TULP4: variants seen among roughly 807,000 people sequenced by gnomAD.
TULP4 encodes the protein TUB like protein 4, also known as tubby-related protein 4.
TULP4 carries 16 observed loss-of-function variants against 129.0 expected under a neutral mutation model. The ratio of observed to expected loss-of-function variants is 0.12; its 90% CI spans 0.08 to 0.19. The LOEUF is 0.19. TULP4 is among the 10% of genes least tolerant of loss of function. TULP4 has a pLI of 1.00. For missense variants in TULP4, 1,842 were observed against 2,059.1 expected, an observed-to-expected ratio of 0.89 and a Z score of 2.04; for synonymous variants, 998 against 854.0, an observed-to-expected ratio of 1.17 and a Z score of -2.94.
intron 2 of TULP4, among the ~76,000 whole-genome samples, chr6:158,417,293 G>A (rs1778231793): frequency 6.6e-6 from 1 of 152,126 alleles, no homozygotes; most frequent in South Asian, 2.1e-4. Flanking sequence ...TCCATTGAGG[G>A]TTTGGAGCAG....
intron 6 of TULP4, among the ~76,000 whole-genome samples, chr6:158,478,158 A>G (rs1480384152): frequency 6.6e-6 from 1 of 152,190 alleles, no homozygotes; most frequent in Non-Finnish European, 1.5e-5. Flanking sequence ...TACTATGCTT[A>G]TTATCCAGGT....
chr6:158,304,869 ATTGTCCATGCTGG>A (rs1779188721), intron 1 of TULP4, among the ~76,000 whole-genome samples: 1 of 151,560 alleles, frequency 6.6e-6, no homozygotes. Flanking sequence ...GTCTTGCTAT[ATTGTCCATGCTGG>A]TCTGAAACTC....
At chr6:158,387,016 A>G (rs2114933109) in intron 1 of TULP4, among the ~76,000 whole-genome samples, 1 of 152,262 alleles carries the variant, frequency 6.6e-6, no homozygotes, top group South Asian at 2.1e-4. Flanking sequence ...AAATGAAAAA[A>G]CATAAAAATA....
At chr6:158,459,026 A>G (rs1347068146) in intron 5 of TULP4, among the ~76,000 whole-genome samples, 1 of 152,246 alleles carries the variant, frequency 6.6e-6, no homozygotes, top group African/African-American at 2.4e-5. Context: ...ATGTAGCTCC[A>G]TAATCGTTGG....
intron 13 of TULP4, 53 bp downstream of exon 13, chr6:158,504,231 G>T (rs1294735175): frequency 2.8e-6 from 4 of 1,405,928 alleles, no homozygotes; most frequent in African/African-American, 2.9e-5. Flanking sequence ...GGGTTTCAGT[G>T]CTTCGGCCTT....
upstream of TULP4, among the ~76,000 whole-genome samples, chr6:158,311,871 G>A (rs1338749173): frequency 6.6e-6 from 1 of 152,164 alleles, no homozygotes; most frequent in African/African-American, 2.4e-5. Context: ...GTGTTGTCTT[G>A]AGTCTGGTGA....
chr6:158,325,444 T>C (rs2128489301), intron 1 of TULP4, among the ~76,000 whole-genome samples: 1 of 151,530 alleles, frequency 6.6e-6, no homozygotes, highest in Middle Eastern at 3.4e-3. Context: ...GCTCTGCCTC[T>C]TGGGTTCATG....
At chr6:158,257,527 G>T (rs552773949) in intron 1 of TULP4, among the ~76,000 whole-genome samples, 31 of 152,298 alleles carry the variant, frequency 2.0e-4, no homozygotes, top group African/African-American at 7.5e-4. Flanking sequence ...GTTTCAACCA[G>T]GTGCTTTCAT....
At chr6:158,254,909 TA>T (rs1364011901) in intron 1 of TULP4, among the ~76,000 whole-genome samples, 1 of 152,092 alleles carries the variant, frequency 6.6e-6, no homozygotes, top group African/African-American at 2.4e-5. Context: ...CTGTCTCTAC[TA>T]AAAGTACAAA....
chr6:158,341,363 A>G (rs146250996), intron 1 of TULP4, among the ~76,000 whole-genome samples: 2 of 152,206 alleles, frequency 1.3e-5, no homozygotes, highest in African/African-American at 4.8e-5. Context: ...TTAATTCCAT[A>G]TCTTGGTTAT....
chr6:158,421,866 T>G (rs1282135634), intron 2 of TULP4, among the ~76,000 whole-genome samples: 1 of 152,180 alleles, frequency 6.6e-6, no homozygotes, highest in Non-Finnish European at 1.5e-5. Context: ...TGATGAGAGT[T>G]TATGATTTGT....
chr6:158,272,700 C>T (rs1778572188), intron 1 of TULP4, among the ~76,000 whole-genome samples: 2 of 152,164 alleles, frequency 1.3e-5, no homozygotes, highest in African/African-American at 4.8e-5. Flanking sequence ...TTGACAGACC[C>T]AAGATTTGAA....
intron 1 of TULP4, among the ~76,000 whole-genome samples, chr6:158,354,508 C>T (rs1258754886): frequency 6.6e-6 from 1 of 152,172 alleles, no homozygotes; most frequent in African/African-American, 2.4e-5. Context: ...AATAGGCATA[C>T]TTAACACGGT....
At position 158,238,086 on chromosome 6, in the gene TULP4, C is replaced by G. The variant is rs977714439; in HGVS notation, n.68+5783C>G. The G allele has an allele frequency of 2.5e-5, 18 of 714,696 alleles. No individual in the cohort carries two copies. The African/African-American group carries it at 3.0e-4, about 12-fold the overall frequency. 44.3% of individuals were successfully genotyped at this position (714,696 alleles called of 1,614,324 possible). A position where few individuals can be genotyped will look rare whatever the true frequency, so the allele number is the denominator to read the frequency against. On this transcript the variant is annotated intron_variant and non_coding_transcript_variant, in intron 1 of 1. Coordinates refer to the TULP4 transcript ENST00000620026. ...TGGTACTATTAAATCTTCTTCATGG[C>G]TACACATGGTCACTAATGCAGACAC...
rs1422175650 is a variant in TULP4 at position 158,501,994 on chromosome 6, C to A, written c.2331C>A (p.Pro777=). ...IQNPPPLSLP[P]PPQGPMQLST... The stretch of plus-strand genomic sequence containing the variant: ...ACCCCCCTCCACTGTCCCTGCCTCC[C>A]CCGCCGCAGGGGCCCATGCAGCTGT... The change falls in exon 13 of 14, where the codon CCC becomes CCA. Residue 777 remains proline (P), a synonymous_variant. Transcript: ENST00000367097. 6.2e-7 allele frequency: 1 copy of A among 1,613,836 alleles called. No individual in the cohort carries two copies. Among genetic ancestry groups the A allele is most frequent in the Non-Finnish European group, 8.5e-7 (1 of 1,179,942 alleles).
At position 158,391,337 on chromosome 6, in the gene TULP4, G is replaced by A. The variant is rs527675190; in HGVS notation, c.253-21728G>A. Among the ~76,000 whole-genome samples the A allele has an allele frequency of 1.4e-3, 219 of 152,262 alleles. 2 individuals carry two copies. Among genetic ancestry groups the A allele is most frequent in the Middle Eastern group, 3.4e-3 (1 of 294 alleles). On this transcript the variant is annotated intron_variant, in intron 1 of 13. Transcript: ENST00000367097. Reference sequence around the variant, plus strand: ...GCCATTGTATATAGCAAAGTCATTAGCTGTTCTTGTCTTTTGTTTTAATAA... The same window carrying A: ...GCCATTGTATATAGCAAAGTCATTAACTGTTCTTGTCTTTTGTTTTAATAA...
chr6:158,280,223 A>G (rs1359294474), upstream of TULP4, among the ~76,000 whole-genome samples: 1 of 152,242 alleles, frequency 6.6e-6, no homozygotes, highest in Non-Finnish European at 1.5e-5. Flanking sequence ...ATACACTTAA[A>G]AAAAACTTAT....
intron 1 of TULP4, among the ~76,000 whole-genome samples, chr6:158,267,882 A>G (rs780226501): frequency 1.6e-4 from 24 of 152,118 alleles, no homozygotes; most frequent in African/African-American, 3.4e-4. Context: ...GTGCTTTTCT[A>G]TCAGTCGAAT....
intron 1 of TULP4, among the ~76,000 whole-genome samples, chr6:158,302,662 G>A (rs1360373887): frequency 6.6e-6 from 1 of 152,268 alleles, no homozygotes; most frequent in African/African-American, 2.4e-5. Flanking sequence ...TCATTGAAAA[G>A]GATGACCTAA....
Sources: gnomAD v4.1 joint callset for allele counts (sites outside exome capture counted in the v4.1 genomes callset) on GRCh38, gnomAD v4.1.1 for gene constraint, MANE v1.5 for transcripts, NCBI Gene and HGNC (gene_info 2026-07-23, HGNC 2026-07-21) for gene names.